Variants in KCNC4 observed in about 807,000 individuals in gnomAD.
KCNC4 encodes the protein voltage-gated potassium channel KCNC4.
KCNC4 carries 23 observed loss-of-function variants against 42.8 expected under a neutral mutation model. The observed-to-expected ratio is 0.54, with a 90% confidence interval of 0.39 to 0.76. The LOEUF (loss-of-function observed/expected upper bound fraction) is 0.76, where lower values mean the gene tolerates loss of function less well. KCNC4 is among the 30% of genes least tolerant of loss of function. KCNC4 has a pLI of 0.00. For synonymous variants in KCNC4, 422 were observed against 393.5 expected, an observed-to-expected ratio of 1.07 and a Z score of -0.86; for missense variants, 751 against 898.2, an observed-to-expected ratio of 0.84 and a Z score of 2.10.
At chr1:110,277,872 C>T (rs1413414754) in intron 1 of KCNC4, among the ~76,000 whole-genome samples, 1 of 152,152 alleles carries the variant, frequency 6.6e-6, no homozygotes, top group Non-Finnish European at 1.5e-5. Context: ...GGCTCATAGG[C>T]CAGGCACACT....
intron 1 of KCNC4, among the ~76,000 whole-genome samples, 159 bp downstream of exon 1, chr1:110,212,336 G>A (rs1220392014): frequency 6.6e-6 from 1 of 152,146 alleles, no homozygotes; most frequent in Non-Finnish European, 1.5e-5. Context: ...GCTCGCAGGG[G>A]AATTACACAC....
At chr1:110,219,094 G>C (rs1477322384) in intron 1 of KCNC4, among the ~76,000 whole-genome samples, 1 of 152,166 alleles carries the variant, frequency 6.6e-6, no homozygotes, top group Non-Finnish European at 1.5e-5. Context: ...TGAAAATCAG[G>C]ACAAGCAAGC....
chr1:110,226,318 G>A (rs540540293), intron 3 of KCNC4, 140 bp downstream of exon 3: 2 of 699,904 alleles, frequency 2.9e-6, no homozygotes, highest in South Asian at 3.1e-5. Context: ...CCCACTTTTA[G>A]AATGGGTACC....
chr1:110,280,593 C>A (rs2101094876), intron 1 of KCNC4, among the ~76,000 whole-genome samples: 1 of 152,228 alleles, frequency 6.6e-6, no homozygotes, highest in East Asian at 1.9e-4. Flanking sequence ...CCCCTAATCT[C>A]CTGCTACACC....
At chr1:110,227,727 G>A (rs1658476416) in intron 3 of KCNC4, among the ~76,000 whole-genome samples, 1 of 151,814 alleles carries the variant, frequency 6.6e-6, no homozygotes, top group Non-Finnish European at 1.5e-5. Context: ...AGCACACAGA[G>A]CTGAGTGCCA....
chr1:110,227,978 A>G (rs1658491178), intron 3 of KCNC4, among the ~76,000 whole-genome samples: 1 of 152,154 alleles, frequency 6.6e-6, no homozygotes, highest in Non-Finnish European at 1.5e-5. Flanking sequence ...CTTCTTGGCA[A>G]CAGGCATGTA....
chr1:110,224,809 A>T (rs1405963363), intron 2 of KCNC4: 1 of 152,306 alleles, frequency 6.6e-6, no homozygotes, highest in Non-Finnish European at 1.5e-5. Context: ...CTCCTGGGAA[A>T]GGTATGGAAT....
Position 110,211,624 on chromosome 1 carries a change from TG to T in KCNC4, c.128del (p.Gly43AlafsTer104), listed in dbSNP as rs745527329. On this transcript the variant is annotated frameshift_variant, in exon 1 of 4. Transcript: ENST00000438661. LOFTEE classifies it high-confidence loss of function. The surrounding 1 kb of genome is among the most constrained non-coding windows in gnomAD (Gnocchi z 6.5). ...GEASEKIIIN[V>X]GGTRHETYRS... Reference sequence around the variant, plus strand: ...GCGTCGGAGAAGATCATCATCAACGTGGGCGGCACGCGACATGAGACCTACC... The same window carrying T: ...GCGTCGGAGAAGATCATCATCAACGTGGCGGCACGCGACATGAGACCTACC... 1 of 1,613,900 alleles carries T rather than the reference TG, an allele frequency of 6.2e-7. No homozygotes were observed. Among genetic ancestry groups the T allele is most frequent in the African/African-American group, 1.3e-5 (1 of 75,024 alleles).
At chr1:110,232,414 G>T in intron 3 of KCNC4, 3 of 1,512,226 alleles carry the variant, frequency 2.0e-6, no homozygotes, top group Non-Finnish European at 1.8e-6. Flanking sequence ...GGAGCTACTT[G>T]GGGGAGAGCT....
At position 110,223,999 on chromosome 1, in the gene KCNC4, T is replaced by C. The variant is rs1433151734; in HGVS notation, c.1615+99T>C. 3.1e-6 allele frequency: 3 copies of C among 956,890 alleles called. No homozygotes were observed. Among genetic ancestry groups the C allele is most frequent in the Non-Finnish European group, 4.7e-6 (3 of 643,534 alleles). 59.3% of individuals were successfully genotyped at this position (956,890 alleles called of 1,614,324 possible). On this transcript the variant is annotated intron_variant, in intron 2 of 3. Coordinates refer to ENST00000438661, the MANE Select transcript of KCNC4 (RefSeq NM_001039574.3). The surrounding 1 kb of genome is among the most constrained non-coding windows in gnomAD (Gnocchi z 7.5). ...CTTGGGATTTGGCATGTGTTTTGTGTGGGGCTTCCCTAAGCATAAAGATGT... is the reference window on the plus strand; with the variant it reads ...CTTGGGATTTGGCATGTGTTTTGTGCGGGGCTTCCCTAAGCATAAAGATGT...
Position 110,233,119 on chromosome 1 carries a change from C to A in KCNC4, c.*147C>A, listed in dbSNP as rs1658784974. ...CTGGTGGAAAATCTCCCATGCGACC[C>A]TCGGGGCCCAGAGCCATCTGGGTCT... On this transcript the variant is annotated 3_prime_UTR_variant, in exon 4 of 4. Transcript: ENST00000438661. 3.0e-6 allele frequency: 3 copies of A among 998,548 alleles called. No homozygotes were observed. The highest frequency in any genetic ancestry group is 2.2e-5 in the Admixed American group (1 of 44,582). 61.9% of individuals were successfully genotyped at this position (998,548 alleles called of 1,614,324 possible).
At chr1:110,245,937 T>A (rs1007389015) in exon 4 of KCNC4, 4 of 152,234 alleles carry the variant, frequency 2.6e-5, no homozygotes, top group Non-Finnish European at 5.9e-5. Context: ...TTGTTTGACC[T>A]GCTTCTTGCA....
chr1:110,269,884 G>A (rs1659609150), intron 1 of KCNC4, among the ~76,000 whole-genome samples: 1 of 152,022 alleles, frequency 6.6e-6, no homozygotes, highest in South Asian at 2.1e-4. Context: ...ACCTCCCTCC[G>A]TTCTAAAGAT....
Position 110,222,986 on chromosome 1 carries a change from T to A in KCNC4, c.701T>A (p.Phe234Tyr). ...TAGGTAGTGGCCTTTGCCTCTCTCT[T>A]CTTCATCCTGGTCTCCATCACCACT... Reference protein sequence around the residue: ...AARVVAFASLFFILVSITTFC... With the variant: ...AARVVAFASLYFILVSITTFC... Residue 234 changes from phenylalanine to tyrosine, a missense_variant, in exon 2 of 4, where the codon TTC becomes TAC. Phe to Tyr is a conservative substitution (Grantham distance 22). Transcript: ENST00000438661. 1 of 1,613,852 alleles carries A rather than the reference T, an allele frequency of 6.2e-7. No individual in the cohort carries two copies. The highest frequency in any genetic ancestry group is 1.1e-5 in the South Asian group (1 of 91,076).
intron 3 of KCNC4, among the ~76,000 whole-genome samples, chr1:110,229,442 C>T (rs1012672143): frequency 1.3e-5 from 2 of 152,158 alleles, no homozygotes; most frequent in African/African-American, 4.8e-5. Flanking sequence ...CTCCCACTGG[C>T]GGCACCTGGT....
In KCNC4 at chr1:110,210,360, C is replaced by T. The variant is rs1239633696; in HGVS notation, c.-1140C>T. Among the ~76,000 whole-genome samples the T allele has an allele frequency of 2.6e-5, 4 of 151,596 alleles. No homozygotes were observed. The East Asian group carries it at 7.8e-4, about 29-fold the overall frequency. On this transcript the variant is annotated 5_prime_UTR_variant, in exon 1 of 4. Transcript: ENST00000438661. ...CCAGCGCCGGAGGGAGACCATGAGC[C>T]CCTAGGGCCCCAGCCCACCGGCGCC...
chr1:110,271,592 T>A (rs1423972280), intron 1 of KCNC4, among the ~76,000 whole-genome samples: 1 of 152,218 alleles, frequency 6.6e-6, no homozygotes, highest in Non-Finnish European at 1.5e-5. Context: ...TAGCCTCTGA[T>A]TACAGGGGCT....
At chr1:110,282,976 G>A (rs1659854518) in intron 2 of KCNC4, 1 of 152,216 alleles carries the variant, frequency 6.6e-6, no homozygotes, top group South Asian at 2.1e-4. Flanking sequence ...AAGAAAAGAG[G>A]TATATTTAGC....
At chr1:110,277,044 T>C (rs1659739338) in intron 1 of KCNC4, among the ~76,000 whole-genome samples, 1 of 152,236 alleles carries the variant, frequency 6.6e-6, no homozygotes, top group South Asian at 2.1e-4. Context: ...AAGCCTCTGC[T>C]TTCAGCATTA....
Sources: gnomAD v4.1 joint callset for allele counts (sites outside exome capture counted in the v4.1 genomes callset) on GRCh38, gnomAD v4.1.1 for gene constraint, Gnocchi (gnomAD v3.1) non-coding constraint, MANE v1.5 for transcripts, NCBI Gene and HGNC (gene_info 2026-07-23, HGNC 2026-07-21) for gene names.